The following FAM135B variants were observed in gnomAD, a reference collection of about 807,000 sequenced individuals.
FAM135B encodes family with sequence similarity 135 member B, also known as protein FAM135B.
A neutral mutation model predicts 127.7 loss-of-function variants in FAM135B; 43 were observed. The ratio of observed to expected loss-of-function variants is 0.34; its 90% CI spans 0.26 to 0.43. The LOEUF is 0.43. Ranked by LOEUF, FAM135B falls within the 20% of genes least tolerant of loss-of-function variation. The pLI is 1.00. For missense variants in FAM135B, 1,558 were observed against 1,725.6 expected, an observed-to-expected ratio of 0.90 and a Z score of 1.72; for synonymous variants, 670 against 665.1, an observed-to-expected ratio of 1.01 and a Z score of -0.11.
chr8:138,437,614 A>C (rs1458766541), intron 1 of FAM135B: 1 of 152,246 alleles, frequency 6.6e-6, no homozygotes, highest in Non-Finnish European at 1.5e-5. Context: ...GCAGTTCTTC[A>C]TAGCAGTGTG....
chr8:138,431,288 G>C (rs1358104504), intron 1 of FAM135B, among the ~76,000 whole-genome samples: 1 of 152,158 alleles, frequency 6.6e-6, no homozygotes, highest in Admixed American at 6.5e-5. Flanking sequence ...TTGTATTCCA[G>C]TGACAGACAG....
chr8:138,251,631 T>C (rs1006037776), intron 5 of FAM135B, among the ~76,000 whole-genome samples: 2 of 152,228 alleles, frequency 1.3e-5, no homozygotes, highest in African/African-American at 4.8e-5. Flanking sequence ...GATTCCCCAA[T>C]GTCTGCTCCA....
chr8:138,434,994 C>T (rs1167096013), intron 1 of FAM135B, among the ~76,000 whole-genome samples: 1 of 152,204 alleles, frequency 6.6e-6, no homozygotes, highest in Non-Finnish European at 1.5e-5. Context: ...TACATATTTT[C>T]AATCTTGCAA....
intron 5 of FAM135B, among the ~76,000 whole-genome samples, chr8:138,252,652 G>T (rs1452932335): frequency 1.3e-5 from 2 of 152,178 alleles, no homozygotes; most frequent in Non-Finnish European, 2.9e-5. Context: ...GCTCTGAAAT[G>T]ATGGTGATAA....
At chr8:138,483,397 G>A (rs1482467969) in intron 1 of FAM135B, among the ~76,000 whole-genome samples, 3 of 152,206 alleles carry the variant, frequency 2.0e-5, no homozygotes, top group African/African-American at 7.2e-5. Context: ...AGGCCTCCAA[G>A]CTGGGGTCTT....
At chr8:138,296,768 A>G (rs1825508167) in intron 3 of FAM135B, among the ~76,000 whole-genome samples, 2 of 152,166 alleles carry the variant, frequency 1.3e-5, no homozygotes, top group South Asian at 2.1e-4. Flanking sequence ...TGGCTCTGCT[A>G]TTCATTTTTA....
chr8:138,474,720 C>A (rs971671753), intron 1 of FAM135B, among the ~76,000 whole-genome samples: 1 of 152,162 alleles, frequency 6.6e-6, no homozygotes, highest in Admixed American at 6.5e-5. Flanking sequence ...TACTTTACTG[C>A]ATTATGCATT....
At chr8:138,136,536 G>C (rs1179467047) in intron 19 of FAM135B, among the ~76,000 whole-genome samples, 1 of 152,038 alleles carries the variant, frequency 6.6e-6, no homozygotes, top group Admixed American at 6.6e-5. Flanking sequence ...TACTGTTGTT[G>C]CAACATTTTT....
intron 1 of FAM135B, among the ~76,000 whole-genome samples, chr8:138,459,965 T>C (rs148426048): frequency 1.1e-3 from 164 of 152,258 alleles, no homozygotes; most frequent in African/African-American, 3.7e-3. Context: ...AATAGAACCA[T>C]AGAACTTTCC....
intron 3 of FAM135B, among the ~76,000 whole-genome samples, chr8:138,285,579 T>C (rs972187096): frequency 1.3e-5 from 2 of 152,204 alleles, no homozygotes; most frequent in African/African-American, 4.8e-5. Context: ...GCCCAGTGCA[T>C]TCAGTTGTAT....
rs1320301114 is a variant in FAM135B, at chr8:138,132,443, A to T, written c.*150T>A. ...CAGCTTTCTCGAATCTCCAAAACAA[A>T]AGCACCTCTCATGTCAGGTTCCACC... On this transcript the variant is annotated 3_prime_UTR_variant, in exon 20 of 20. Transcript: ENST00000395297. This position sits in a 1 kb window ranked among gnomAD's most constrained non-coding sequence, Gnocchi z 4.5. The T allele has an allele frequency of 1.5e-6, 1 of 664,284 alleles. No individual in the cohort carries two copies. The highest frequency in any genetic ancestry group is 2.6e-6 in the Non-Finnish European group (1 of 379,462). The allele number at this position is 664,284 out of a possible 1,614,324, so 41.1% of individuals were successfully genotyped here.
At chr8:138,422,437 C>A (rs1387392739) in intron 1 of FAM135B, among the ~76,000 whole-genome samples, 1 of 151,800 alleles carries the variant, frequency 6.6e-6, no homozygotes, top group African/African-American at 2.4e-5. Flanking sequence ...GACAAATAAC[C>A]CCATTTTTAA....
At chr8:138,142,318 T>TTTTTTG (rs1817258195) in intron 16 of FAM135B, among the ~76,000 whole-genome samples, 1 of 99,250 alleles carries the variant, frequency 1.0e-5, no homozygotes. Context: ...TTTTTTTTTT[T>TTTTTTG]GAGATGGAGT....
chr8:138,211,524 T>C (rs1377956217), intron 7 of FAM135B, among the ~76,000 whole-genome samples: 1 of 152,234 alleles, frequency 6.6e-6, no homozygotes, highest in Non-Finnish European at 1.5e-5. Context: ...TTTTGGTAGC[T>C]GCATTTGCAT....
chr8:138,446,569 TAATA>T (rs1836173096), intron 1 of FAM135B, among the ~76,000 whole-genome samples: 1 of 152,208 alleles, frequency 6.6e-6, no homozygotes, highest in Non-Finnish European at 1.5e-5. Flanking sequence ...ATTCCCTATT[TAATA>T]AATCGTTCAG....
chr8:138,140,728 T>C lies in FAM135B; in HGVS notation c.3790+470A>G, dbSNP rs558290328. 3.9e-5 allele frequency among the ~76,000 whole-genome samples: 6 copies of C among 152,270 alleles called. No individual in the cohort carries two copies. In the East Asian group the frequency reaches 1.2e-3, roughly 29 times the overall value. On this transcript the variant is annotated intron_variant, in intron 17 of 19. Transcript: ENST00000395297. ...GTGTACATGCTTGTACACATACATATATGTATACATACATATACACAAACA... is the reference window on the plus strand; with the variant it reads ...GTGTACATGCTTGTACACATACATACATGTATACATACATATACACAAACA...
At chr8:138,298,731 C>T (rs1825651637) in intron 3 of FAM135B, among the ~76,000 whole-genome samples, 1 of 152,118 alleles carries the variant, frequency 6.6e-6, no homozygotes, top group Admixed American at 6.6e-5. Context: ...CTTGGCTAGG[C>T]CATAGGCTCA....
At chr8:138,343,892 G>C (rs539376846) in intron 2 of FAM135B, among the ~76,000 whole-genome samples, 305 of 152,316 alleles carry the variant, frequency 2.0e-3, no homozygotes, top group Admixed American at 5.9e-3. Context: ...TGGACAGGAG[G>C]GGGGTTTAGG....
At chr8:138,255,920 A>G (rs957762227) in intron 5 of FAM135B, among the ~76,000 whole-genome samples, 4 of 152,180 alleles carry the variant, frequency 2.6e-5, no homozygotes, top group Non-Finnish European at 5.9e-5. Flanking sequence ...GTGGGAAAGA[A>G]AGGGGGGATA....
Sources: allele counts gnomAD v4.1 joint callset (sites outside exome capture counted in the v4.1 genomes callset), GRCh38; gene constraint gnomAD v4.1.1; non-coding constraint Gnocchi (gnomAD v3.1); transcripts MANE v1.5; gene names NCBI Gene and HGNC (gene_info 2026-07-23, HGNC 2026-07-21).